ERCC6L: variants seen among roughly 807,000 people sequenced by gnomAD.
ERCC6L encodes DNA excision repair protein ERCC-6-like.
In ERCC6L, 7 loss-of-function variants were observed where a neutral mutation model predicts 20.1. That is an observed-to-expected ratio of 0.35 (90% CI 0.20 to 0.65). The LOEUF is 0.65. Ranked by LOEUF, ERCC6L falls within the 30% of genes least tolerant of loss-of-function variation. The probability of loss-of-function intolerance (pLI) is 0.69; values close to 1 mark genes in which losing one functional copy is unlikely to be tolerated. For synonymous variants in ERCC6L, 278 were observed against 331.3 expected, an observed-to-expected ratio of 0.84 and a Z score of 1.75; for missense variants, 592 against 892.4, an observed-to-expected ratio of 0.66 and a Z score of 4.29.
chrX:72,234,074 C>T (rs779703449), intron 1 of ERCC6L, among the ~76,000 whole-genome samples: 7 of 109,612 alleles, frequency 6.4e-5, no homozygotes, highest in Non-Finnish European at 1.3e-4. Flanking sequence ...TGCGCCACTG[C>T]ACTCCAGCCT....
Position 72,238,956 on chromosome X carries a change from TTGGAGC to T in ERCC6L, c.-51_-46del, listed in dbSNP as rs1569492595. ...AGTTACCCCGGCGGGAGTTTGGAGC[TTGGAGC>T]TTGGAGCTTGGAGCTTGGAGCTTAG... On this transcript the variant is annotated 5_prime_UTR_variant, in exon 1 of 2. Transcript: ENST00000334463. 1.8e-5 allele frequency: 17 copies of T among 967,724 alleles called. No homozygotes were observed. In the African/African-American group the frequency reaches 2.5e-4, roughly 14 times the overall value. The allele number at this position is 967,724 out of a possible 1,213,427, so 79.8% of individuals were successfully genotyped here. A position where few individuals can be genotyped will look rare whatever the true frequency, so the allele number is the denominator to read the frequency against.
chrX:72,228,262 G>A (rs1182910549), intron 1 of ERCC6L, among the ~76,000 whole-genome samples: 6 of 112,124 alleles, frequency 5.4e-5, no homozygotes, highest in Non-Finnish European at 1.1e-4. Context: ...AGTAAAAATG[G>A]CCTTGCTGAG....
rs1200753032 is a variant in ERCC6L at position 72,208,146 on chromosome X, A to C, written c.621T>G (p.Asn207Lys). 8 of 1,209,975 alleles carry C rather than the reference A, an allele frequency of 6.6e-6. No homozygotes were observed. The highest frequency in any genetic ancestry group is 8.9e-6 in the Non-Finnish European group (8 of 895,271). The change falls in exon 2 of 2, where the codon AAT becomes AAG. Residue 207 changes from asparagine (N) to lysine (K), a missense_variant. By Grantham distance (94) the Asn-to-Lys change is moderately conservative. Around this residue, in one of 3 missense-constraint regions of ERCC6L, gnomAD observed 196 missense variants for 440.1 expected, o/e 0.45. Transcript: ENST00000334463. ...TAAAGCTTGAAAGTTGCTGCCAGTT[A>C]TTGATTAACATTTGGTATGTAGTGA... ...VIITTYQMLINNWQQLSSFRG... is the reference protein window; with the variant it reads ...VIITTYQMLIKNWQQLSSFRG...
At chrX:72,234,604 A>G (rs765680352) in intron 1 of ERCC6L, among the ~76,000 whole-genome samples, 23 of 111,457 alleles carry the variant, frequency 2.1e-4, no homozygotes, top group Non-Finnish European at 4.0e-4. Context: ...TTTTTTAACA[A>G]TGAAAGAATT....
rs1421306483 is a variant in ERCC6L at position 72,206,877 on chromosome X, G to T, written c.1890C>A (p.Ile630=). The change falls in exon 2 of 2, where the codon ATC becomes ATA. Residue 630 remains isoleucine (I), a synonymous_variant. Transcript: ENST00000334463. ...GGGTTACAGAGTTCTGAAGATCCTC[G>T]ATTGTAAAGAGCTCTCTTAATTCTT... ...SKQELRELFT[I]EDLQNSVTQL... is the part of the protein sequence containing the mutation. 8.3e-7 allele frequency: 1 copy of T among 1,211,417 alleles called. No homozygotes were observed. Among genetic ancestry groups the T allele is most frequent in the Non-Finnish European group, 1.1e-6 (1 of 895,262 alleles).
chrX:72,210,259 T>A (rs2042846730), intron 1 of ERCC6L, among the ~76,000 whole-genome samples: 1 of 108,460 alleles, frequency 9.2e-6, no homozygotes, highest in Non-Finnish European at 1.9e-5. Context: ...AAAAAAGATA[T>A]ACAGATGGGC....
chrX:72,228,521 C>T (rs1438995926), intron 1 of ERCC6L, among the ~76,000 whole-genome samples: 1 of 111,637 alleles, frequency 9.0e-6, no homozygotes, highest in East Asian at 2.8e-4. Flanking sequence ...TTGCCTCACC[C>T]GAATCTTGGA....
intron 1 of ERCC6L, among the ~76,000 whole-genome samples, chrX:72,231,302 T>A (rs2042981776): frequency 9.0e-6 from 1 of 111,599 alleles, no homozygotes. Context: ...TTTTGCTAGG[T>A]GAAATAAACC....
At chrX:72,228,187 C>G (rs2042964179) in intron 1 of ERCC6L, among the ~76,000 whole-genome samples, 1 of 112,042 alleles carries the variant, frequency 8.9e-6, no homozygotes, top group Non-Finnish European at 1.9e-5. Flanking sequence ...TATAAATGAC[C>G]CTGTCTCCTT....
chrX:72,237,884 AG>A (rs749158175), intron 1 of ERCC6L: 4 of 112,060 alleles, frequency 3.6e-5, no homozygotes, highest in Non-Finnish European at 5.6e-5. Context: ...TGAGCCCAGG[AG>A]TTCGAGGCTG....
At chrX:72,209,617 A>G (rs2042840909) in intron 1 of ERCC6L, among the ~76,000 whole-genome samples, 1 of 110,889 alleles carries the variant, frequency 9.0e-6, no homozygotes, top group Admixed American at 9.6e-5. Flanking sequence ...CCTTCTTTCC[A>G]TCTCTACTAC....
At chrX:72,216,426 TGTG>T (rs2042887682) in intron 1 of ERCC6L, among the ~76,000 whole-genome samples, 1 of 112,067 alleles carries the variant, frequency 8.9e-6, no homozygotes. Flanking sequence ...TTTAAAAAAA[TGTG>T]GTAAAATACA....
At chrX:72,238,344 G>A (rs894935071) in intron 1 of ERCC6L, among the ~76,000 whole-genome samples, 48 of 111,356 alleles carry the variant, frequency 4.3e-4, no homozygotes, top group Non-Finnish European at 9.4e-5. Flanking sequence ...CTCTTGCCAC[G>A]CCATCCCTTA....
At chrX:72,213,848 C>T (rs1263199050) in intron 1 of ERCC6L, among the ~76,000 whole-genome samples, 2 of 111,808 alleles carry the variant, frequency 1.8e-5, no homozygotes, top group East Asian at 5.7e-4. Context: ...GGTCAGAGAA[C>T]AAAAGGCTTG....
intron 1 of ERCC6L, among the ~76,000 whole-genome samples, chrX:72,234,351 T>C (rs981656212): frequency 3.6e-5 from 4 of 111,788 alleles, no homozygotes; most frequent in African/African-American, 9.8e-5. Context: ...TCGAGGTAGA[T>C]GAAGATTGAG....
chrX:72,205,594 T>G lies in ERCC6L; in HGVS notation c.3173A>C (p.Gln1058Pro). 1 of 1,211,439 alleles carries G rather than the reference T, an allele frequency of 8.3e-7. No homozygotes were observed. The highest frequency in any genetic ancestry group is 1.1e-6 in the Non-Finnish European group (1 of 895,048). Residue 1058 changes from glutamine to proline, a missense_variant, in exon 2 of 2, where the codon CAA becomes CCA. By Grantham distance (76) the Gln-to-Pro change is moderately conservative. This residue lies in a region of ERCC6L where 352 missense variants were observed against 402.6 expected (regional missense o/e 0.87). Transcript: ENST00000334463. ...TSLFQFSSVK[Q>P]FDASTPKNDI... Reference sequence around the variant, plus strand: ...ATTTTTGGGAGTTGAAGCATCAAATTGTTTCACAGATGAGAATTGAAAGAG... The same window carrying G: ...ATTTTTGGGAGTTGAAGCATCAAATGGTTTCACAGATGAGAATTGAAAGAG...
At chrX:72,211,840 A>G (rs955066040) in intron 1 of ERCC6L, among the ~76,000 whole-genome samples, 7 of 111,986 alleles carry the variant, frequency 6.3e-5, no homozygotes, top group Non-Finnish European at 1.3e-4. Flanking sequence ...AAGGTGATAC[A>G]ACAATTAAAC....
Position 72,205,548 on chromosome X carries a change from C to A in ERCC6L, c.3219G>T (p.Arg1073Ser), listed in dbSNP as rs367691365. ...TACTGGGTATTTGAGATGAAAAGAACCTTCCTGGTGGACTGATGTCATTTT... is the reference window on the plus strand; with the variant it reads ...TACTGGGTATTTGAGATGAAAAGAAACTTCCTGGTGGACTGATGTCATTTT... ...TPKNDISPPG[R>S]FFSSQIPSSV... The change falls in exon 2 of 2, where the codon AGG becomes AGT. Residue 1073 changes from arginine to serine, a missense_variant. Transcript: ENST00000334463. 10 of 1,209,543 alleles carry A rather than the reference C, an allele frequency of 8.3e-6. No individual in the cohort carries two copies. The highest frequency in any genetic ancestry group is 7.0e-5 in the South Asian group (4 of 56,740).
At chrX:72,214,372 AAAAC>A (rs1308719203) in intron 1 of ERCC6L, among the ~76,000 whole-genome samples, 1 of 112,490 alleles carries the variant, frequency 8.9e-6, no homozygotes, top group Non-Finnish European at 1.9e-5. Context: ...AAGAGTCAAA[AAAAC>A]AAACAATGTT....
Sources: gnomAD v4.1 joint callset for allele counts (sites outside exome capture counted in the v4.1 genomes callset) on GRCh38, gnomAD v4.1.1 for gene constraint, gnomAD v4.1.1 regional missense constraint, MANE v1.5 for transcripts, NCBI Gene and HGNC (gene_info 2026-07-23, HGNC 2026-07-21) for gene names.